MAP3K5: variants seen among roughly 807,000 people sequenced by gnomAD.
MAP3K5 encodes mitogen-activated protein kinase kinase kinase 5, also known as ASK-1.
Under a neutral mutation model 158.7 loss-of-function variants are expected in MAP3K5, and 56 were observed. The ratio of observed to expected loss-of-function variants is 0.35; its 90% CI spans 0.28 to 0.44. The LOEUF is 0.44. MAP3K5 is among the 20% of genes least tolerant of loss of function. The pLI, the probability that MAP3K5 is intolerant of heterozygous loss-of-function variation, is 1.00. For synonymous variants in MAP3K5, 579 were observed against 601.7 expected (o/e 0.96, Z 0.55); for missense variants, 1,294 against 1,674.8 (o/e 0.77, Z 3.97).
intron 1 of MAP3K5, among the ~76,000 whole-genome samples, chr6:136,740,886 C>T (rs997053965): frequency 6.6e-6 from 1 of 152,226 alleles, no homozygotes; most frequent in Admixed American, 6.5e-5. Context: ...TTGGATCCTA[C>T]TGCTCTGTAC....
chr6:136,790,202 A>C (rs997405468), intron 1 of MAP3K5, among the ~76,000 whole-genome samples: 1 of 152,294 alleles, frequency 6.6e-6, no homozygotes, highest in African/African-American at 2.4e-5. Flanking sequence ...CAGAGACAGT[A>C]TTTGGAGAAT....
intron 11 of MAP3K5, among the ~76,000 whole-genome samples, chr6:136,645,780 A>G (rs771896014): frequency 2.0e-5 from 3 of 152,200 alleles, no homozygotes; most frequent in South Asian, 2.1e-4. Flanking sequence ...GTTGCAGTAT[A>G]AAGTATATAC....
chr6:136,737,037 G>GTATATATA (rs56011325), intron 1 of MAP3K5, among the ~76,000 whole-genome samples: 9 of 126,970 alleles, frequency 7.1e-5, no homozygotes, highest in African/African-American at 2.3e-4. Flanking sequence ...ATATGTGTGT[G>GTATATATA]TATATATATA....
chr6:136,594,430 G>C (rs1035706518), intron 21 of MAP3K5, among the ~76,000 whole-genome samples: 1 of 152,130 alleles, frequency 6.6e-6, no homozygotes, highest in Non-Finnish European at 1.5e-5. Flanking sequence ...CTATTTGGGG[G>C]GAACGGACTT....
intron 2 of MAP3K5, among the ~76,000 whole-genome samples, chr6:136,714,977 G>A (rs1376557043): frequency 1.3e-5 from 2 of 152,004 alleles, no homozygotes; most frequent in East Asian, 3.8e-4. Flanking sequence ...GTGTAGACAG[G>A]TTGCCACAGA....
intron 1 of MAP3K5, among the ~76,000 whole-genome samples, chr6:136,757,946 C>A (rs1215378490): frequency 6.6e-6 from 1 of 152,070 alleles, no homozygotes; most frequent in Non-Finnish European, 1.5e-5. Context: ...TTTTAGGGAA[C>A]ACAAAAATAA....
At position 136,669,341 on chromosome 6, in the gene MAP3K5, C is replaced by A. The variant is rs761540153; in HGVS notation, c.1308G>T (p.Ala436=). 1 of 1,613,734 alleles carries A rather than the reference C, an allele frequency of 6.2e-7. No homozygotes were observed. ...EPTLQSGINY[A]VLLLAAGHQF... ...GGTGTCCAGCTGCCAGGAGGAGGAC[C>A]GCATAATTAATTCCTGACTGTAGTG... Residue 436 remains alanine (A), a synonymous_variant, in exon 8 of 30, where the codon GCG becomes GCT. Coordinates refer to ENST00000359015, the MANE Select transcript of MAP3K5 (RefSeq NM_005923.4).
At position 136,730,163 on chromosome 6, in the gene MAP3K5, T is replaced by G. The variant is rs559529884; in HGVS notation, c.449-9574A>C. 2.4e-3 allele frequency among the ~76,000 whole-genome samples: 319 copies of G among 133,856 alleles called. 2 individuals are homozygous for G. The highest frequency in any genetic ancestry group is 4.4e-3 in the African/African-American group (119 of 27,010). 87.8% of individuals were successfully genotyped at this position (133,856 alleles called of 152,430 possible). ...TTTTGTTGTTTGGTTGTTTTTTTTTTTTTGTTTTTTGTTTTTGTAGAAACA... is the reference window on the plus strand; with the variant it reads ...TTTTGTTGTTTGGTTGTTTTTTTTTGTTTGTTTTTTGTTTTTGTAGAAACA... On this transcript the variant is annotated intron_variant, in intron 1 of 29. Coordinates refer to ENST00000359015, the MANE Select transcript of MAP3K5 (RefSeq NM_005923.4).
intron 2 of MAP3K5, among the ~76,000 whole-genome samples, chr6:136,715,804 G>A (rs1420067376): frequency 6.6e-6 from 1 of 151,942 alleles, no homozygotes; most frequent in Non-Finnish European, 1.5e-5. Context: ...GCCAACGGGG[G>A]CGGATTGCTT....
chr6:136,689,810 C>T (rs1780311401), intron 7 of MAP3K5, among the ~76,000 whole-genome samples: 1 of 152,156 alleles, frequency 6.6e-6, no homozygotes, highest in East Asian at 1.9e-4. Flanking sequence ...TGTAAATTAC[C>T]CAGTCTCTTG....
intron 29 of MAP3K5, 54 bp from the exon 30 acceptor site, chr6:136,557,872 C>T (rs1830319657): frequency 8.4e-7 from 1 of 1,192,654 alleles, no homozygotes; most frequent in African/African-American, 1.5e-5. Flanking sequence ...GAAACATTGC[C>T]CTTGAAATAG....
At chr6:136,737,037 G>GTGTGTATATATATATATATATATATA (rs759947051) in intron 1 of MAP3K5, among the ~76,000 whole-genome samples, 137 of 126,928 alleles carry the variant, frequency 1.1e-3, no homozygotes, top group African/African-American at 4.7e-3. Context: ...ATATGTGTGT[G>GTGTGTATATATATATATATATATATA]TATATATATA....
At chr6:136,619,197 G>A (rs947589440) in intron 15 of MAP3K5, among the ~76,000 whole-genome samples, 2 of 152,164 alleles carry the variant, frequency 1.3e-5, no homozygotes, top group Non-Finnish European at 2.9e-5. Context: ...CTTGACATTT[G>A]AATTAAAGCT....
rs143274005 is a variant in MAP3K5 at position 136,559,662 on chromosome 6, A to C, written c.3988-786T>G. The stretch of plus-strand genomic sequence containing the variant: ...TGACTGTAATTCACCATAAAAGCAG[A>C]GTCTTAATTTAAACTGCACCTTTAT... On this transcript the variant is annotated intron_variant, in intron 28 of 29. Coordinates refer to ENST00000359015, the MANE Select transcript of MAP3K5 (RefSeq NM_005923.4). Among the ~76,000 whole-genome samples the C allele has an allele frequency of 2.2e-3, 328 of 152,322 alleles. 1 individual carries two copies. The highest frequency in any genetic ancestry group is 7.5e-3 in the African/African-American group (310 of 41,584).
intron 25 of MAP3K5, among the ~76,000 whole-genome samples, chr6:136,573,402 A>G (rs533851938): frequency 6.0e-4 from 91 of 152,308 alleles, no homozygotes; most frequent in African/African-American, 2.1e-3. Flanking sequence ...CTGATGTTAT[A>G]TGGTAGAACT....
chr6:136,678,474 C>T (rs1036563580), intron 7 of MAP3K5, among the ~76,000 whole-genome samples: 2 of 151,838 alleles, frequency 1.3e-5, no homozygotes, highest in African/African-American at 4.8e-5. Context: ...TAAATATGAA[C>T]AATATGTAAA....
chr6:136,600,942 G>T, intron 21 of MAP3K5, 80 bp downstream of exon 21: 1 of 1,436,516 alleles, frequency 7.0e-7, no homozygotes, highest in East Asian at 2.3e-5. Flanking sequence ...CAGAGCATGA[G>T]GCTACTTGAT....
rs367586343 is a variant in MAP3K5 at position 136,656,401 on chromosome 6, G to A, written c.1586C>T (p.Thr529Ile). 5.0e-6 allele frequency: 8 copies of A among 1,610,930 alleles called. No individual in the cohort carries two copies. The East Asian group carries it at 8.9e-5, about 18-fold the overall frequency. Residue 529 changes from threonine (T) to isoleucine (I), a missense_variant, in exon 10 of 30, where the codon ACA becomes ATA. Coordinates refer to ENST00000359015, the MANE Select transcript of MAP3K5 (RefSeq NM_005923.4). ...TTCTTGCTTGGCCACAGGCTGTTCT[G>A]TGGTCAGTTTCACAAAATGCTTATA... Reference protein sequence around the residue: ...LIYKHFVKLTTEQPVAKQELV... With the variant: ...LIYKHFVKLTIEQPVAKQELV...
chr6:136,635,146 GC>G (rs1380363169), intron 14 of MAP3K5, among the ~76,000 whole-genome samples: 1 of 142,680 alleles, frequency 7.0e-6, no homozygotes, highest in Non-Finnish European at 1.5e-5. Context: ...AAAAAAAAAA[GC>G]CAGAAATTTG....
Sources: gnomAD v4.1 joint callset for allele counts (sites outside exome capture counted in the v4.1 genomes callset) on GRCh38, gnomAD v4.1.1 for gene constraint, MANE v1.5 for transcripts, NCBI Gene and HGNC (gene_info 2026-07-23, HGNC 2026-07-21) for gene names.